The following ASTN2 variants were observed in gnomAD, a reference collection of about 807,000 sequenced individuals.
The protein encoded by ASTN2 is astrotactin 2.
Under a neutral mutation model 139.8 loss-of-function variants are expected in ASTN2, and 54 were observed. The observed-to-expected ratio is 0.39, with a 90% CI of 0.31 to 0.48. ASTN2 has a LOEUF of 0.48. ASTN2 is among the 20% of genes least tolerant of loss of function. ASTN2 has a pLI of 0.95. For synonymous variants in ASTN2, 756 were observed against 719.5 expected, an observed-to-expected ratio of 1.05 and a Z score of -0.81; for missense variants, 1,565 against 1,725.1, an observed-to-expected ratio of 0.91 and a Z score of 1.64.
At chr9:116,569,758 G>A (rs1239197232) in intron 19 of ASTN2, among the ~76,000 whole-genome samples, 1 of 152,176 alleles carries the variant, frequency 6.6e-6, no homozygotes, top group Non-Finnish European at 1.5e-5. Context: ...AACCGCCCAA[G>A]GACAGAGGGC....
At chr9:117,252,530 T>C (rs1833566544) in intron 2 of ASTN2, among the ~76,000 whole-genome samples, 1 of 152,158 alleles carries the variant, frequency 6.6e-6, no homozygotes, top group Admixed American at 6.5e-5. Flanking sequence ...GTCCACATGG[T>C]GCTAATGGCC....
intron 10 of ASTN2, among the ~76,000 whole-genome samples, chr9:116,925,015 G>A (rs1834715546): frequency 6.6e-6 from 1 of 152,128 alleles, no homozygotes; most frequent in East Asian, 1.9e-4. Context: ...TAGGAGATCT[G>A]AGCTGAGAAC....
At chr9:116,736,552 G>A (rs1156322298) in intron 13 of ASTN2, among the ~76,000 whole-genome samples, 2 of 152,120 alleles carry the variant, frequency 1.3e-5, no homozygotes, top group Non-Finnish European at 2.9e-5. Context: ...CCAAGAGGAG[G>A]ACCTTGCTGC....
At position 117,188,242 on chromosome 9, in the gene ASTN2, A is replaced by G. The variant is rs149701791; in HGVS notation, c.1015+26116T>C. On this transcript the variant is annotated intron_variant, in intron 3 of 22. Transcript: ENST00000313400. Reference sequence around the variant, plus strand: ...TCACCCCCGATCCTGGTTGAAAGTGACTAGTTCAAGACATCAATATGTCGA... The same window carrying G: ...TCACCCCCGATCCTGGTTGAAAGTGGCTAGTTCAAGACATCAATATGTCGA... Among the ~76,000 whole-genome samples the G allele has an allele frequency of 2.6e-3, 388 of 152,032 alleles. 3 individuals are homozygous for G. Among genetic ancestry groups the G allele is most frequent in the African/African-American group, 8.7e-3 (360 of 41,464 alleles).
rs751028044 is a variant in ASTN2 at position 116,697,921 on chromosome 9, G to T, written c.2806+27850C>A. 6.2e-7 allele frequency: 1 copy of T among 1,614,184 alleles called. No individual in the cohort carries two copies. The highest frequency in any genetic ancestry group is 1.7e-5 in the Admixed American group (1 of 60,030). On this transcript the variant is annotated intron_variant, in intron 16 of 22. Coordinates refer to ENST00000313400, the MANE Select transcript of ASTN2 (RefSeq NM_001365068.1). Reference sequence around the variant, plus strand: ...TTGGCCAGTAGCATCAATGGTGTCCGCTGTCCCTTTTGCAGCAAGATTACC... The same window carrying T: ...TTGGCCAGTAGCATCAATGGTGTCCTCTGTCCCTTTTGCAGCAAGATTACC...
chr9:116,601,489 G>A (rs936587553), intron 19 of ASTN2, among the ~76,000 whole-genome samples: 1 of 152,174 alleles, frequency 6.6e-6, no homozygotes, highest in Non-Finnish European at 1.5e-5. Context: ...AGTGGCTAAT[G>A]TGAGGACTAT....
chr9:116,647,340 G>C (rs1350100132), intron 17 of ASTN2, among the ~76,000 whole-genome samples: 1 of 152,216 alleles, frequency 6.6e-6, no homozygotes, highest in South Asian at 2.1e-4. Flanking sequence ...GGGGCTCAAA[G>C]ATACTTAATG....
chr9:117,002,394 G>A (rs193208129), intron 7 of ASTN2, among the ~76,000 whole-genome samples: 2 of 152,294 alleles, frequency 1.3e-5, no homozygotes, highest in East Asian at 3.9e-4. Context: ...TTGAACTCTA[G>A]TCAGAAGGTG....
intron 2 of ASTN2, among the ~76,000 whole-genome samples, chr9:117,262,806 G>T (rs1467033387): frequency 6.6e-6 from 1 of 152,180 alleles, no homozygotes; most frequent in East Asian, 1.9e-4. Flanking sequence ...TAGGGTCCTA[G>T]TAAATAAAAG....
At position 116,698,161 on chromosome 9, in the gene ASTN2, A is replaced by G. The variant is rs767396315; in HGVS notation, c.2806+27610T>C. 6.2e-7 allele frequency: 1 copy of G among 1,614,098 alleles called. No individual in the cohort carries two copies. ...GGCCACTGTACACTCCCTGTCAAAG[A>G]AGCAGCTGAGGAGCGGCGTCGGGAC... On this transcript the variant is annotated intron_variant, in intron 16 of 22. Transcript: ENST00000313400. This position sits in a 1 kb window ranked among gnomAD's most constrained non-coding sequence, Gnocchi z 4.4.
intron 13 of ASTN2, among the ~76,000 whole-genome samples, chr9:116,789,797 C>T (rs573957084): frequency 2.0e-4 from 31 of 152,172 alleles, no homozygotes; most frequent in Middle Eastern, 6.8e-3. Context: ...TGTGACAGGA[C>T]GCACACTACA....
chr9:117,014,981 C>A (rs1448939682), intron 6 of ASTN2, among the ~76,000 whole-genome samples: 2 of 152,068 alleles, frequency 1.3e-5, no homozygotes, highest in Admixed American at 6.6e-5. Flanking sequence ...GCAGCCCTAG[C>A]AAATTACCTC....
At chr9:117,259,204 A>C (rs1833763189) in intron 2 of ASTN2, among the ~76,000 whole-genome samples, 1 of 152,108 alleles carries the variant, frequency 6.6e-6, no homozygotes, top group Admixed American at 6.5e-5. Context: ...CAGGTTTCTC[A>C]GATGCAAAAT....
At position 116,898,695 on chromosome 9, in the gene ASTN2, G is replaced by C. The variant is rs570513905; in HGVS notation, c.1890-34962C>G. Among the ~76,000 whole-genome samples, 13 of 152,044 alleles carry C rather than the reference G, an allele frequency of 8.6e-5. No individual in the cohort carries two copies. In the South Asian group the frequency reaches 2.5e-3, roughly 29 times the overall value. On this transcript the variant is annotated intron_variant, in intron 10 of 22. Transcript: ENST00000313400. Reference sequence around the variant, plus strand: ...TATGTTTTTTATTTTTTTGAGACAGGGTCTCGCTATGTTGTACAGGTTGGA... The same window carrying C: ...TATGTTTTTTATTTTTTTGAGACAGCGTCTCGCTATGTTGTACAGGTTGGA...
chr9:116,791,214 C>G (rs561194496), intron 13 of ASTN2, among the ~76,000 whole-genome samples: 5 of 152,310 alleles, frequency 3.3e-5, no homozygotes, highest in African/African-American at 7.2e-5. Flanking sequence ...AACTCGTTAA[C>G]TCACAAATGA....
intron 10 of ASTN2, among the ~76,000 whole-genome samples, chr9:116,883,812 A>G (rs1287398228): frequency 6.6e-6 from 1 of 152,246 alleles, no homozygotes; most frequent in East Asian, 1.9e-4. Context: ...TGGCATAAAT[A>G]GAACTACCAT....
chr9:116,926,669 C>T (rs540412196), intron 10 of ASTN2, among the ~76,000 whole-genome samples: 189 of 152,238 alleles, frequency 1.2e-3, no homozygotes, highest in South Asian at 3.1e-3. Context: ...ATATACTTTG[C>T]TTCATTTAAG....
At chr9:116,519,075 C>T (rs1180096621) in intron 19 of ASTN2, among the ~76,000 whole-genome samples, 1 of 152,078 alleles carries the variant, frequency 6.6e-6, no homozygotes, top group East Asian at 1.9e-4. Flanking sequence ...TAATACTCCA[C>T]TGAGAGCACA....
At chr9:116,607,080 A>C (rs1855245865) in intron 19 of ASTN2, among the ~76,000 whole-genome samples, 1 of 152,218 alleles carries the variant, frequency 6.6e-6, no homozygotes, top group Non-Finnish European at 1.5e-5. Context: ...CCTCCCAATC[A>C]TCTACAGCAT....
Sources: allele counts gnomAD v4.1 joint callset (sites outside exome capture counted in the v4.1 genomes callset), GRCh38; gene constraint gnomAD v4.1.1; non-coding constraint Gnocchi (gnomAD v3.1); transcripts MANE v1.5; gene names NCBI Gene and HGNC (gene_info 2026-07-23, HGNC 2026-07-21).